Variants in DENND1B observed in about 807,000 individuals in gnomAD.
DENND1B encodes DENN domain containing 1B.
A neutral mutation model predicts 90.1 loss-of-function variants in DENND1B; 59 were observed. The observed-to-expected ratio is 0.65, with a 90% CI of 0.53 to 0.81. The LOEUF is 0.81. Among genes scored for constraint, DENND1B ranks in the 40% least tolerant of loss-of-function variants. The pLI is 0.00. For synonymous variants in DENND1B, 337 were observed against 324.6 expected (o/e 1.04, Z -0.41); for missense variants, 862 against 912.6 (o/e 0.94, Z 0.71).
chr1:197,516,978 T>G (rs1411139279), intron 20 of DENND1B, among the ~76,000 whole-genome samples: 1 of 151,878 alleles, frequency 6.6e-6, no homozygotes, highest in African/African-American at 2.4e-5. Context: ...TTCCTCTGTA[T>G]GGCCACATAT....
At chr1:197,670,311 TA>T (rs1655357944) in intron 5 of DENND1B, among the ~76,000 whole-genome samples, 1 of 151,910 alleles carries the variant, frequency 6.6e-6, no homozygotes, top group Admixed American at 6.6e-5. Context: ...CTCAGACTTT[TA>T]AATTATAAAT....
At chr1:197,648,190 A>T (rs534781558) in intron 7 of DENND1B, among the ~76,000 whole-genome samples, 1 of 152,290 alleles carries the variant, frequency 6.6e-6, no homozygotes, top group South Asian at 2.1e-4. Flanking sequence ...CCAACACCTG[A>T]ATAGCTCTTC....
chr1:197,641,174 G>T (rs1330511415), intron 10 of DENND1B, among the ~76,000 whole-genome samples: 1 of 152,078 alleles, frequency 6.6e-6, no homozygotes, highest in Non-Finnish European at 1.5e-5. Context: ...ATAAACATTT[G>T]TTACATGAAT....
At chr1:197,559,725 A>G (rs74134846) in intron 15 of DENND1B, among the ~76,000 whole-genome samples, 1 of 53,850 alleles carries the variant, frequency 1.9e-5, no homozygotes, top group Non-Finnish European at 4.2e-5. Context: ...TAAAAATTTA[A>G]TAAGTCTAAT....
intron 2 of DENND1B, among the ~76,000 whole-genome samples, chr1:197,745,625 T>C (rs1181889870): frequency 6.8e-6 from 1 of 146,680 alleles, no homozygotes; most frequent in Non-Finnish European, 1.5e-5. Context: ...ATTATATATA[T>C]ATATATATAT....
chr1:197,648,451 T>C lies in DENND1B; in HGVS notation c.448-1337A>G, dbSNP rs576467503. 2.0e-5 allele frequency among the ~76,000 whole-genome samples: 3 copies of C among 152,314 alleles called. No individual in the cohort carries two copies. The South Asian group carries it at 6.2e-4, about 32-fold the overall frequency. On this transcript the variant is annotated intron_variant, in intron 7 of 22. Coordinates refer to ENST00000620048, the MANE Select transcript of DENND1B (RefSeq NM_001195215.2). ...TTCAATAGCTGGTTTTTTTGAGATG[T>C]ACTTTTGTATTTATTTACCCCTGAG...
chr1:197,696,251 C>A (rs897976486), intron 3 of DENND1B, among the ~76,000 whole-genome samples: 1 of 151,430 alleles, frequency 6.6e-6, no homozygotes, highest in Non-Finnish European at 1.5e-5. Context: ...ATAATTTTTA[C>A]TACTATTCAT....
At chr1:197,667,160 C>T (rs927054549) in intron 5 of DENND1B, among the ~76,000 whole-genome samples, 1 of 151,060 alleles carries the variant, frequency 6.6e-6, no homozygotes, top group East Asian at 1.9e-4. Context: ...CAAACTTTTT[C>T]AACCACATCT....
At chr1:197,646,118 A>G (rs139448110) in intron 8 of DENND1B, among the ~76,000 whole-genome samples, 75 of 152,026 alleles carry the variant, frequency 4.9e-4, no homozygotes, top group African/African-American at 1.8e-3. Flanking sequence ...ACATATAAAC[A>G]TATATATTAT....
chr1:197,569,327 AT>A (rs1435723486), intron 15 of DENND1B, among the ~76,000 whole-genome samples: 1 of 152,146 alleles, frequency 6.6e-6, no homozygotes, highest in African/African-American at 2.4e-5. Context: ...ACTGGTGGGA[AT>A]GTAAATTAGT....
At chr1:197,736,180 G>A in intron 2 of DENND1B, 1 of 493,318 alleles carries the variant, frequency 2.0e-6, no homozygotes, top group Non-Finnish European at 3.7e-6. Context: ...TTGGAATACT[G>A]CAAAACAACC....
rs879369341 is a variant in DENND1B at position 197,604,193 on chromosome 1, G to GT, written c.921+2879dup. Among the ~76,000 whole-genome samples, 7 of 139,424 alleles carry GT rather than the reference G, an allele frequency of 5.0e-5. No individual in the cohort carries two copies. The South Asian group carries it at 7.1e-4, about 14-fold the overall frequency. The allele number at this position is 139,424 out of a possible 152,430, so 91.5% of individuals were successfully genotyped here. A position where few individuals can be genotyped will look rare whatever the true frequency, so the allele number is the denominator to read the frequency against. On this transcript the variant is annotated intron_variant, in intron 13 of 22. Transcript: ENST00000620048. The stretch of plus-strand genomic sequence containing the variant: ...ATTAAAATCACTCCCAATAAAATAT[G>GT]TTTTTTTTTCTTTTAATGATCCAAA...
chr1:197,595,399 A>T, intron 13 of DENND1B, 66 bp from the exon 14 acceptor site: 1 of 1,574,312 alleles, frequency 6.4e-7, no homozygotes, highest in Non-Finnish European at 8.6e-7. Context: ...TAGGAACCCA[A>T]TCAGCAGGCA....
intron 5 of DENND1B, among the ~76,000 whole-genome samples, chr1:197,662,081 G>T (rs1654461712): frequency 1.3e-5 from 2 of 151,968 alleles, no homozygotes; most frequent in Non-Finnish European, 2.9e-5. Context: ...ACCAGGCTAT[G>T]ACTTCATCTA....
At chr1:197,568,569 T>C (rs562661316) in intron 15 of DENND1B, among the ~76,000 whole-genome samples, 190 of 152,232 alleles carry the variant, frequency 1.2e-3, no homozygotes, top group Non-Finnish European at 2.2e-3. Context: ...GGAGCAAAGC[T>C]GGAGACATCA....
chr1:197,656,677 C>T (rs1454503913), intron 6 of DENND1B, among the ~76,000 whole-genome samples: 1 of 151,918 alleles, frequency 6.6e-6, no homozygotes, highest in Non-Finnish European at 1.5e-5. Flanking sequence ...GTGGCACACA[C>T]CCATAGTTCC....
At chr1:197,630,771 A>AT (rs753583990) in intron 10 of DENND1B, among the ~76,000 whole-genome samples, 46 of 152,216 alleles carry the variant, frequency 3.0e-4, no homozygotes, top group Admixed American at 4.6e-4. Flanking sequence ...AGTTAAGTCA[A>AT]TTGCCCAAGA....
rs185618166 is a variant in DENND1B at position 197,595,293 on chromosome 1, G to A, written c.962C>T (p.Ala321Val). 168 of 1,613,250 alleles carry A rather than the reference G, an allele frequency of 1.0e-4. No homozygotes were observed. The highest frequency in any genetic ancestry group is 5.9e-6 in the Non-Finnish European group (7 of 1,179,352). The change falls in exon 14 of 23, where the codon GCT (alanine) becomes GTT (valine). Residue 321 changes from alanine (A) to valine (V), a missense_variant. By Grantham distance (64) the Ala-to-Val change is moderately conservative (BLOSUM62 0). Transcript: ENST00000620048. Reference protein sequence around the residue: ...LKNKLKKQSTATGDGVARAFL... With the variant: ...LKNKLKKQSTVTGDGVARAFL... ...GGCCCTAGCTACTCCATCACCCGTAGCTGTAGACTGCTTCTTCAGTTTATT... is the reference window on the plus strand; with the variant it reads ...GGCCCTAGCTACTCCATCACCCGTAACTGTAGACTGCTTCTTCAGTTTATT...
chr1:197,508,061 G>A lies in DENND1B; in HGVS notation c.*2399C>T, dbSNP rs1667808464. 2 of 151,466 alleles carry A rather than the reference G, an allele frequency of 1.3e-5. No individual in the cohort carries two copies. Among genetic ancestry groups the A allele is most frequent in the South Asian group, 2.1e-4 (1 of 4,808 alleles). 9.4% of individuals were successfully genotyped at this position (151,466 alleles called of 1,614,324 possible). ...GTATTATAACCAAACACCTTGAAAGGTGGCTGAAAAGTAGAACAAAATTTG... is the reference window on the plus strand; with the variant it reads ...GTATTATAACCAAACACCTTGAAAGATGGCTGAAAAGTAGAACAAAATTTG... On this transcript the variant is annotated 3_prime_UTR_variant, in exon 23 of 23. Coordinates refer to ENST00000620048, the MANE Select transcript of DENND1B (RefSeq NM_001195215.2).
Sources: allele counts gnomAD v4.1 joint callset (sites outside exome capture counted in the v4.1 genomes callset), GRCh38; gene constraint gnomAD v4.1.1; transcripts MANE v1.5; gene names NCBI Gene and HGNC (gene_info 2026-07-23, HGNC 2026-07-21).